MAML2: variants seen among roughly 807,000 people sequenced by gnomAD.
MAML2 encodes the protein mastermind like transcriptional coactivator 2.
MAML2 carries 22 observed loss-of-function variants against 96.1 expected under a neutral mutation model. That is an observed-to-expected ratio of 0.23 (90% CI 0.16 to 0.33). The LOEUF (loss-of-function observed/expected upper bound fraction) is 0.33. Among genes scored for constraint, MAML2 ranks in the 10% least tolerant of loss-of-function variants. The pLI is 1.00. For synonymous variants in MAML2, 561 were observed against 521.3 expected (o/e 1.08, Z -1.04); for missense variants, 1,367 against 1,392.4 (o/e 0.98, Z 0.29).
intron 1 of MAML2, among the ~76,000 whole-genome samples, chr11:96,203,532 C>T (rs1052410029): frequency 9.9e-5 from 15 of 152,118 alleles, no homozygotes; most frequent in African/African-American, 1.4e-4. Context: ...ATAAGTCAGC[C>T]GGCAAGCTGC....
rs117510765 is a variant in MAML2 at position 96,021,034 on chromosome 11, T to G, written c.2140-29311A>C. Among the ~76,000 whole-genome samples, 1,290 of 152,284 alleles carry G rather than the reference T, an allele frequency of 8.5e-3. 17 individuals are homozygous for G. Among genetic ancestry groups the G allele is most frequent in the East Asian group, 0.047 (246 of 5,182 alleles). On this transcript the variant is annotated intron_variant, in intron 2 of 4. Transcript: ENST00000524717. ...TCTTCCCTTTTTTTCTTTTTTCTTTTGTGGTGTGTTTATGTATATCTATAT... is the reference window on the plus strand; with the variant it reads ...TCTTCCCTTTTTTTCTTTTTTCTTTGGTGGTGTGTTTATGTATATCTATAT...
intron 2 of MAML2, among the ~76,000 whole-genome samples, chr11:96,039,754 G>A (rs1858777488): frequency 6.6e-6 from 1 of 152,056 alleles, no homozygotes; most frequent in Admixed American, 6.6e-5. Context: ...AGACCATCCT[G>A]GCTAACATGG....
At chr11:96,003,027 T>G (rs943568197) in intron 2 of MAML2, among the ~76,000 whole-genome samples, 2 of 125,092 alleles carry the variant, frequency 1.6e-5, no homozygotes, top group Admixed American at 8.8e-5. Context: ...AAGATGATGA[T>G]GGGGATGAGG....
intron 1 of MAML2, among the ~76,000 whole-genome samples, chr11:96,301,353 C>A (rs926469725): frequency 1.3e-5 from 2 of 152,206 alleles, no homozygotes; most frequent in Non-Finnish European, 2.9e-5. Context: ...AATGAGCGTA[C>A]AACTGGAGAA....
At chr11:96,072,763 G>A (rs1859366199) in intron 2 of MAML2, among the ~76,000 whole-genome samples, 1 of 152,126 alleles carries the variant, frequency 6.6e-6, no homozygotes, top group South Asian at 2.1e-4. Context: ...ATGCCAAAAG[G>A]ACTGTGTGTC....
At chr11:96,256,240 A>C (rs975391523) in intron 1 of MAML2, among the ~76,000 whole-genome samples, 1 of 152,124 alleles carries the variant, frequency 6.6e-6, no homozygotes, top group African/African-American at 2.4e-5. Flanking sequence ...ACAAAAAAAA[A>C]TTCTTAACCG....
At chr11:96,228,635 G>A (rs932663423) in intron 1 of MAML2, among the ~76,000 whole-genome samples, 2 of 152,216 alleles carry the variant, frequency 1.3e-5, no homozygotes, top group East Asian at 3.8e-4. Flanking sequence ...CTGAAGCTGA[G>A]GAAGTCCTCA....
At chr11:96,065,215 C>T (rs1859226058) in intron 2 of MAML2, among the ~76,000 whole-genome samples, 1 of 152,046 alleles carries the variant, frequency 6.6e-6, no homozygotes, top group Non-Finnish European at 1.5e-5. Flanking sequence ...ATGAAAATTG[C>T]CCTCGTTTTA....
chr11:96,165,449 T>C (rs1267539508), intron 1 of MAML2, among the ~76,000 whole-genome samples: 1 of 152,242 alleles, frequency 6.6e-6, no homozygotes, highest in African/African-American at 2.4e-5. Flanking sequence ...TATATTCTTT[T>C]GAGCAGATGT....
intron 1 of MAML2, among the ~76,000 whole-genome samples, chr11:96,118,083 C>T (rs763880744): frequency 5.3e-5 from 8 of 152,166 alleles, no homozygotes; most frequent in Non-Finnish European, 1.2e-4. Context: ...TATTTGATTT[C>T]AGTGTTCAGG....
intron 1 of MAML2, among the ~76,000 whole-genome samples, chr11:96,324,887 C>G (rs7108995): frequency 6.6e-6 from 1 of 152,014 alleles, no homozygotes; most frequent in Non-Finnish European, 1.5e-5. Context: ...ACCTTGTAGC[C>G]CTCGCTCCTC....
chr11:96,050,394 T>G (rs1266541857), intron 2 of MAML2, among the ~76,000 whole-genome samples: 1 of 152,204 alleles, frequency 6.6e-6, no homozygotes, highest in African/African-American at 2.4e-5. Context: ...CTGGGACATA[T>G]TTGTGGCATA....
At chr11:96,024,003 A>G (rs1252367606) in intron 2 of MAML2, among the ~76,000 whole-genome samples, 1 of 152,232 alleles carries the variant, frequency 6.6e-6, no homozygotes, top group Non-Finnish European at 1.5e-5. Flanking sequence ...AGGTCTGGAG[A>G]AAGTTAAGAT....
intron 3 of MAML2, among the ~76,000 whole-genome samples, chr11:95,987,193 GGT>G (rs1857841189): frequency 6.6e-6 from 1 of 152,168 alleles, no homozygotes; most frequent in African/African-American, 2.4e-5. Context: ...GGGGGTGTTT[GGT>G]GTTTTGGAGG....
intron 1 of MAML2, among the ~76,000 whole-genome samples, chr11:96,267,554 C>A (rs974800763): frequency 6.6e-6 from 1 of 152,172 alleles, no homozygotes; most frequent in Non-Finnish European, 1.5e-5. Context: ...TAATGCTTAC[C>A]GCACATGGTG....
chr11:96,058,861 A>G (rs1286126791), intron 2 of MAML2, among the ~76,000 whole-genome samples: 1 of 152,146 alleles, frequency 6.6e-6, no homozygotes, highest in African/African-American at 2.4e-5. Context: ...GAGTGCTACT[A>G]TCTTATTTTA....
intron 1 of MAML2, among the ~76,000 whole-genome samples, chr11:96,169,667 T>TTA (rs1276428668): frequency 2.0e-5 from 3 of 151,450 alleles, no homozygotes; most frequent in South Asian, 2.1e-4. Context: ...AACTTTTTTT[T>TTA]TTTTTTGAGA....
At chr11:96,051,217 T>C (rs774883007) in intron 2 of MAML2, among the ~76,000 whole-genome samples, 56 of 152,298 alleles carry the variant, frequency 3.7e-4, no homozygotes, top group Non-Finnish European at 7.4e-4. Context: ...TACAATGTGG[T>C]AAGAATTGTG....
At chr11:96,277,901 A>T (rs7126111) in intron 1 of MAML2, among the ~76,000 whole-genome samples, 151,600 of 151,600 alleles carry the variant, frequency 1, 75,800 homozygotes, top group Non-Finnish European at 1. Context: ...GAACTGCTAA[A>T]ACCCTTCTGT....
Sources: allele counts gnomAD v4.1 joint callset (sites outside exome capture counted in the v4.1 genomes callset), GRCh38; gene constraint gnomAD v4.1.1; transcripts MANE v1.5; gene names NCBI Gene and HGNC (gene_info 2026-07-23, HGNC 2026-07-21).